SGIP1: variants seen among roughly 807,000 people sequenced by gnomAD.
The protein encoded by SGIP1 is SH3GL interacting endocytic adaptor 1.
Under a neutral mutation model 107.5 loss-of-function variants are expected in SGIP1, and 38 were observed. The observed-to-expected ratio is 0.35, with a 90% CI of 0.27 to 0.46. SGIP1 has a LOEUF of 0.46. Ranked by LOEUF, SGIP1 falls within the 20% of genes least tolerant of loss-of-function variation. The probability of loss-of-function intolerance (pLI) is 1.00; values close to 1 mark genes in which losing one functional copy is unlikely to be tolerated. For synonymous variants in SGIP1, 365 were observed against 366.1 expected (o/e 1.00, Z 0.03); for missense variants, 929 against 1,019.5 (o/e 0.91, Z 1.21).
intron 1 of SGIP1, among the ~76,000 whole-genome samples, chr1:66,563,596 G>A (rs2059255701): frequency 6.6e-6 from 1 of 152,026 alleles, no homozygotes; most frequent in Non-Finnish European, 1.5e-5. Flanking sequence ...GAGTTCTCCA[G>A]CAGGCTGATT....
At position 66,727,573 on chromosome 1, in the gene SGIP1, G is replaced by A. The variant is rs571686937; in HGVS notation, c.1743-1691G>A. ...ACAGGGTATATTCATACTAATACCC[G>A]TACACGCGTATTCATTGCACCTTTA... On this transcript the variant is annotated intron_variant, in intron 19 of 24. Coordinates refer to ENST00000371037, the MANE Select transcript of SGIP1 (RefSeq NM_032291.4). Among the ~76,000 whole-genome samples, 25 of 152,224 alleles carry A rather than the reference G, an allele frequency of 1.6e-4. No homozygotes were observed. The East Asian group carries it at 2.1e-3, about 13-fold the overall frequency.
At chr1:66,730,147 A>C (rs1400825460) in intron 20 of SGIP1, among the ~76,000 whole-genome samples, 2 of 152,166 alleles carry the variant, frequency 1.3e-5, no homozygotes, top group African/African-American at 2.4e-5. Context: ...GTGCATGTGC[A>C]TATGCATAAT....
chr1:66,640,228 A>G (rs1463852837), intron 5 of SGIP1, among the ~76,000 whole-genome samples: 1 of 152,194 alleles, frequency 6.6e-6, no homozygotes, highest in Non-Finnish European at 1.5e-5. Flanking sequence ...CTGGGTAGCA[A>G]AAAAGAAGTC....
At chr1:66,702,143 G>A (rs2091985742) in intron 18 of SGIP1, among the ~76,000 whole-genome samples, 1 of 152,194 alleles carries the variant, frequency 6.6e-6, no homozygotes, top group African/African-American at 2.4e-5. Flanking sequence ...AACAGTCCTA[G>A]GAAGTGGGTA....
intron 17 of SGIP1, among the ~76,000 whole-genome samples, chr1:66,691,846 T>G (rs1159164447): frequency 2.0e-5 from 3 of 152,262 alleles, no homozygotes; most frequent in African/African-American, 7.2e-5. Context: ...CTGTGATTCA[T>G]AGAGAAAATA....
chr1:66,636,808 G>A (rs931930764), intron 4 of SGIP1, among the ~76,000 whole-genome samples: 1 of 152,138 alleles, frequency 6.6e-6, no homozygotes, highest in Non-Finnish European at 1.5e-5. Flanking sequence ...AAAGCCAGAG[G>A]CATTCCCAAT....
At chr1:66,660,413 T>TA (rs1305054781) in intron 7 of SGIP1, 100 bp from the exon 8 acceptor site, 1 of 1,141,788 alleles carries the variant, frequency 8.8e-7, no homozygotes, top group East Asian at 2.4e-5. Context: ...AGAGCTCCCT[T>TA]AAGTAAGGTT....
At chr1:66,741,041 A>G (rs1230513395) in intron 23 of SGIP1, among the ~76,000 whole-genome samples, 1 of 152,208 alleles carries the variant, frequency 6.6e-6, no homozygotes, top group Non-Finnish European at 1.5e-5. Flanking sequence ...TGGAAAATAC[A>G]AGGGCTTCCA....
intron 12 of SGIP1, among the ~76,000 whole-genome samples, chr1:66,674,622 A>T (rs1040716703): frequency 2.6e-5 from 4 of 152,208 alleles, no homozygotes; most frequent in Non-Finnish European, 4.4e-5. Flanking sequence ...CTTTCAGGTT[A>T]ACTGTCTGGA....
Position 66,747,736 on chromosome 1 carries a change from T to C in SGIP1, c.*4641T>C, listed in dbSNP as rs1444185591. 1 of 151,928 alleles carries C rather than the reference T, an allele frequency of 6.6e-6. No homozygotes were observed. The highest frequency in any genetic ancestry group is 1.5e-5 in the Non-Finnish European group (1 of 67,842). 9.4% of individuals were successfully genotyped at this position (151,928 alleles called of 1,614,324 possible). A position where few individuals can be genotyped will look rare whatever the true frequency, so the allele number is the denominator to read the frequency against. ...ACAGGCTGTAAATTAAATTGAACAA[T>C]ACAGTAGAATATGCAGATACATACT... On this transcript the variant is annotated 3_prime_UTR_variant, in exon 25 of 25. Coordinates refer to ENST00000371037, the MANE Select transcript of SGIP1 (RefSeq NM_032291.4).
intron 18 of SGIP1, among the ~76,000 whole-genome samples, chr1:66,708,916 AACTG>A (rs1174889842): frequency 6.6e-6 from 1 of 152,158 alleles, no homozygotes; most frequent in Admixed American, 6.5e-5. Context: ...ACGCTATGAG[AACTG>A]ACTTTCTTAT....
chr1:66,571,465 T>G (rs2060370054), intron 1 of SGIP1, among the ~76,000 whole-genome samples: 1 of 151,990 alleles, frequency 6.6e-6, no homozygotes, highest in South Asian at 2.1e-4. Flanking sequence ...GAAAACTGAT[T>G]GTGGTTGGAT....
At chr1:66,631,216 T>A (rs2074611144) in intron 2 of SGIP1, among the ~76,000 whole-genome samples, 1 of 152,164 alleles carries the variant, frequency 6.6e-6, no homozygotes, top group South Asian at 2.1e-4. Context: ...ATGACCATGA[T>A]AACCCACTGG....
intron 1 of SGIP1, among the ~76,000 whole-genome samples, chr1:66,618,477 G>A (rs941811945): frequency 1.7e-4 from 26 of 152,154 alleles, no homozygotes; most frequent in African/African-American, 5.8e-4. Flanking sequence ...CATGTCTTCT[G>A]TGCACTAGGT....
At chr1:66,708,849 G>T (rs1315286263) in intron 18 of SGIP1, among the ~76,000 whole-genome samples, 1 of 152,082 alleles carries the variant, frequency 6.6e-6, no homozygotes, top group Non-Finnish European at 1.5e-5. Flanking sequence ...TGAAGAGGAA[G>T]ACTGGAAATA....
intron 18 of SGIP1, among the ~76,000 whole-genome samples, chr1:66,701,646 A>G (rs1365705797): frequency 3.3e-5 from 5 of 152,246 alleles, no homozygotes; most frequent in Non-Finnish European, 7.3e-5. Context: ...CGAGGATTTC[A>G]GTAGTACACT....
chr1:66,665,434 G>A lies in SGIP1; in HGVS notation c.472-2096G>A, dbSNP rs554334145. Among the ~76,000 whole-genome samples the A allele has an allele frequency of 2.6e-5, 4 of 152,262 alleles. No homozygotes were observed. In the South Asian group the frequency reaches 6.2e-4, roughly 24 times the overall value. On this transcript the variant is annotated intron_variant, in intron 8 of 24. Coordinates refer to ENST00000371037, the MANE Select transcript of SGIP1 (RefSeq NM_032291.4). ...GTGAATAGTGCCACAATAAACATACGTGTGCATGTGTCTTTATAGCAGCAT... is the reference window on the plus strand; with the variant it reads ...GTGAATAGTGCCACAATAAACATACATGTGCATGTGTCTTTATAGCAGCAT...
At chr1:66,550,053 C>G (rs1365653779) in intron 1 of SGIP1, among the ~76,000 whole-genome samples, 2 of 152,158 alleles carry the variant, frequency 1.3e-5, no homozygotes, top group African/African-American at 4.8e-5. Context: ...GCTATACCCA[C>G]TCTGCTCTAT....
At chr1:66,647,070 C>G (rs1233148495) in intron 7 of SGIP1, among the ~76,000 whole-genome samples, 1 of 152,174 alleles carries the variant, frequency 6.6e-6, no homozygotes, top group East Asian at 1.9e-4. Flanking sequence ...GCTGTTTTAA[C>G]AGAGACCAAA....
Sources: allele counts gnomAD v4.1 joint callset (sites outside exome capture counted in the v4.1 genomes callset), GRCh38; gene constraint gnomAD v4.1.1; transcripts MANE v1.5; gene names NCBI Gene and HGNC (gene_info 2026-07-23, HGNC 2026-07-21).